NDST3: variants seen among roughly 807,000 people sequenced by gnomAD.
NDST3 encodes the protein bifunctional heparan sulfate N-deacetylase/N-sulfotransferase 3.
A neutral mutation model predicts 96.1 loss-of-function variants in NDST3; 58 were observed. The ratio of observed to expected loss-of-function variants is 0.60; its 90% CI spans 0.49 to 0.75. NDST3 has a LOEUF of 0.75. Ranked by LOEUF, NDST3 falls within the 30% of genes least tolerant of loss-of-function variation. The probability of loss-of-function intolerance (pLI) is 0.00; values close to 1 mark genes in which losing one functional copy is unlikely to be tolerated. For synonymous variants in NDST3, 333 were observed against 359.7 expected (o/e 0.93, Z 0.84); for missense variants, 788 against 1,034.2 (o/e 0.76, Z 3.27).
intron 6 of NDST3, among the ~76,000 whole-genome samples, chr4:118,174,816 C>T (rs565984395): frequency 1.3e-5 from 2 of 152,130 alleles, no homozygotes; most frequent in South Asian, 2.1e-4. Flanking sequence ...AGTTAATCTT[C>T]GGTAGCTCAT....
At chr4:118,082,341 C>A (rs1218045128) in intron 2 of NDST3, among the ~76,000 whole-genome samples, 4 of 152,148 alleles carry the variant, frequency 2.6e-5, no homozygotes. Flanking sequence ...GCAGAAGGTG[C>A]AACACTCTTA....
intron 1 of NDST3, among the ~76,000 whole-genome samples, chr4:118,052,203 T>C (rs772992873): frequency 5.9e-5 from 9 of 152,056 alleles, no homozygotes; most frequent in Non-Finnish European, 1.2e-4. Flanking sequence ...TATGTGGCCA[T>C]AAAAAAGAAT....
intron 6 of NDST3, among the ~76,000 whole-genome samples, chr4:118,222,939 TTC>T (rs1739645580): frequency 6.6e-6 from 1 of 152,024 alleles, no homozygotes; most frequent in Non-Finnish European, 1.5e-5. Flanking sequence ...ATTTCCCATT[TTC>T]TGTCCCATGC....
At chr4:118,084,272 T>G (rs1276662528) in intron 2 of NDST3, among the ~76,000 whole-genome samples, 1 of 152,192 alleles carries the variant, frequency 6.6e-6, no homozygotes, top group Non-Finnish European at 1.5e-5. Flanking sequence ...ATATGTTATT[T>G]GCTTCACTAT....
In NDST3 at chr4:118,256,711, C is replaced by A. The variant is rs1261601881; in HGVS notation, c.*999C>A. 1 of 152,126 alleles carries A rather than the reference C, an allele frequency of 6.6e-6. No homozygotes were observed. The highest frequency in any genetic ancestry group is 1.9e-4 in the East Asian group (1 of 5,190). 9.4% of individuals were successfully genotyped at this position (152,126 alleles called of 1,614,324 possible). On this transcript the variant is annotated 3_prime_UTR_variant, in exon 14 of 14. Coordinates refer to ENST00000296499, the MANE Select transcript of NDST3 (RefSeq NM_004784.3). ...GCTCCCCAAAACAAAACCTATTAAA[C>A]TAAAACTAAAAACAGTTTCCCTAGA...
chr4:118,244,208 C>T (rs1741170133), intron 12 of NDST3, among the ~76,000 whole-genome samples: 1 of 152,188 alleles, frequency 6.6e-6, no homozygotes, highest in South Asian at 2.1e-4. Flanking sequence ...AGTTTCATGT[C>T]ATTGTCTTGG....
intron 6 of NDST3, among the ~76,000 whole-genome samples, chr4:118,166,531 C>T (rs1578756095): frequency 6.6e-6 from 1 of 151,938 alleles, no homozygotes; most frequent in South Asian, 2.1e-4. Context: ...TAGAAGGGAA[C>T]TCTTCCAAAC....
intron 2 of NDST3, among the ~76,000 whole-genome samples, chr4:118,086,438 C>T (rs988073046): frequency 2.6e-5 from 4 of 152,064 alleles, no homozygotes; most frequent in Non-Finnish European, 5.9e-5. Context: ...CCCCTAACAT[C>T]TTAAAACTTA....
At chr4:118,139,475 G>C (rs532395798) in intron 5 of NDST3, among the ~76,000 whole-genome samples, 1 of 152,264 alleles carries the variant, frequency 6.6e-6, no homozygotes, top group South Asian at 2.1e-4. Context: ...AGTGGGAAAT[G>C]TTCAGCAGAC....
In NDST3 at chr4:118,138,943, C is replaced by T. The variant is rs116042333; in HGVS notation, c.1410+704C>T. Among the ~76,000 whole-genome samples, 290 of 152,258 alleles carry T rather than the reference C, an allele frequency of 1.9e-3. 2 individuals carry two copies. The highest frequency in any genetic ancestry group is 6.7e-3 in the African/African-American group (277 of 41,536). ...GAATGGGCCTCCTAATTTAGAATCA[C>T]ACACTGGGAAGAAACACCACAGAAG... On this transcript the variant is annotated intron_variant, in intron 5 of 13. Transcript: ENST00000296499.
At chr4:118,183,667 GT>G (rs1736743426) in intron 6 of NDST3, among the ~76,000 whole-genome samples, 1 of 152,134 alleles carries the variant, frequency 6.6e-6, no homozygotes, top group African/African-American at 2.4e-5. Flanking sequence ...ATGACCAAAG[GT>G]TTTTTACCAC....
intron 3 of NDST3, among the ~76,000 whole-genome samples, chr4:118,109,528 T>C (rs1305922714): frequency 6.6e-6 from 1 of 152,070 alleles, no homozygotes; most frequent in Non-Finnish European, 1.5e-5. Flanking sequence ...ATAATAAGAG[T>C]ATCCTCTCCC....
chr4:118,242,622 T>C (rs559901976), intron 12 of NDST3, among the ~76,000 whole-genome samples: 4 of 152,294 alleles, frequency 2.6e-5, no homozygotes, highest in African/African-American at 9.6e-5. Context: ...TGTACTATTA[T>C]CGCTCCTAAA....
At chr4:118,142,493 C>A (rs973525450) in intron 5 of NDST3, among the ~76,000 whole-genome samples, 30 of 152,036 alleles carry the variant, frequency 2.0e-4, no homozygotes, top group Non-Finnish European at 4.0e-4. Context: ...TAGTATATTT[C>A]TACAGGGTTG....
chr4:118,198,185 C>A (rs137909799), intron 6 of NDST3, among the ~76,000 whole-genome samples: 1 of 152,094 alleles, frequency 6.6e-6, no homozygotes, highest in African/African-American at 2.4e-5. Context: ...TAAGGACTTA[C>A]CCCTGCCATT....
chr4:118,165,511 A>C (rs938746534), intron 6 of NDST3, among the ~76,000 whole-genome samples: 1 of 152,080 alleles, frequency 6.6e-6, no homozygotes, highest in African/African-American at 2.4e-5. Context: ...ACAATAGAAC[A>C]CTTAGACCAA....
intron 4 of NDST3, among the ~76,000 whole-genome samples, chr4:118,133,516 G>A (rs949604007): frequency 5.9e-5 from 9 of 152,138 alleles, no homozygotes; most frequent in African/African-American, 2.2e-4. Context: ...TAACTTTTAT[G>A]AAGATAAAAC....
chr4:118,121,364 T>C lies in NDST3; in HGVS notation c.1224+6404T>C, dbSNP rs115234701. Among the ~76,000 whole-genome samples the C allele has an allele frequency of 5.8e-3, 879 of 152,318 alleles. 3 individuals are homozygous for C. The highest frequency in any genetic ancestry group is 9.7e-3 in the Admixed American group (149 of 15,300). On this transcript the variant is annotated intron_variant, in intron 4 of 13. Transcript: ENST00000296499. ...AAATCTGTTTTTCTAAATTGAAACA[T>C]CATATCTAATTATTTTTAGAATTAT... is the stretch of plus-strand genomic sequence containing the variant.
chr4:118,097,133 T>C (rs1269484484), intron 2 of NDST3, among the ~76,000 whole-genome samples: 3 of 151,940 alleles, frequency 2.0e-5, no homozygotes, highest in Non-Finnish European at 4.4e-5. Context: ...GACACACCCA[T>C]AATAATGTTT....
Sources: gnomAD v4.1 joint callset for allele counts (sites outside exome capture counted in the v4.1 genomes callset) on GRCh38, gnomAD v4.1.1 for gene constraint, MANE v1.5 for transcripts, NCBI Gene and HGNC (gene_info 2026-07-23, HGNC 2026-07-21) for gene names.